Variants in ZBTB16 observed in about 807,000 individuals in gnomAD.
ZBTB16 encodes the protein zinc finger and BTB domain-containing protein 16.
ZBTB16 carries 8 observed loss-of-function variants against 56.8 expected under a neutral mutation model. The ratio of observed to expected loss-of-function variants is 0.14; its 90% CI spans 0.08 to 0.25. The LOEUF is 0.25. Ranked by LOEUF, ZBTB16 falls within the 10% of genes least tolerant of loss-of-function variation. The pLI is 1.00. For missense variants in ZBTB16, 625 were observed against 903.0 expected (o/e 0.69, Z 3.95); for synonymous variants, 363 against 368.5 (o/e 0.98, Z 0.17).
intron 3 of ZBTB16, among the ~76,000 whole-genome samples, chr11:114,162,276 T>C (rs1942610328): frequency 2.6e-5 from 4 of 152,246 alleles, no homozygotes; most frequent in Non-Finnish European, 5.9e-5. Context: ...GATCTGTGGC[T>C]TGTCCTTGTT....
intron 2 of ZBTB16, among the ~76,000 whole-genome samples, chr11:114,104,505 C>G (rs1192147856): frequency 1.3e-5 from 2 of 152,188 alleles, no homozygotes. Context: ...CCCCAAGCAG[C>G]CAGCAGTCAG....
At chr11:114,104,269 A>C (rs150273611) in intron 2 of ZBTB16, among the ~76,000 whole-genome samples, 1 of 152,238 alleles carries the variant, frequency 6.6e-6, no homozygotes, top group Non-Finnish European at 1.5e-5. Flanking sequence ...TAAAAGTAGC[A>C]TAGGGAGTGG....
chr11:114,150,455 C>G lies in ZBTB16; in HGVS notation c.1269-5882C>G, dbSNP rs1306014293. ...TTCAAGACCAGCCCAGACAACATAG[C>G]AAGACCTCGTCTCTATTAAAAACAA... is the stretch of plus-strand genomic sequence containing the variant. On this transcript the variant is annotated intron_variant, in intron 2 of 6. Transcript: ENST00000335953. Among the ~76,000 whole-genome samples, 3 of 152,104 alleles carry G rather than the reference C, an allele frequency of 2.0e-5. No homozygotes were observed. In the South Asian group the frequency reaches 6.2e-4, roughly 32 times the overall value.
intron 3 of ZBTB16, among the ~76,000 whole-genome samples, chr11:114,160,615 C>T (rs538706327): frequency 6.6e-5 from 10 of 152,320 alleles, no homozygotes; most frequent in Admixed American, 2.0e-4. Context: ...ACAGTGCCTT[C>T]CCTTTTTCTC....
At chr11:114,069,286 C>G (rs565705680) in intron 2 of ZBTB16, among the ~76,000 whole-genome samples, 1 of 152,292 alleles carries the variant, frequency 6.6e-6, no homozygotes, top group African/African-American at 2.4e-5. Flanking sequence ...AGGGTTTCAC[C>G]GTGTTAGCCA....
intron 2 of ZBTB16, among the ~76,000 whole-genome samples, chr11:114,102,341 A>C (rs1345690875): frequency 1.3e-5 from 2 of 152,142 alleles, no homozygotes; most frequent in Non-Finnish European, 2.9e-5. Flanking sequence ...GAGGCTGCTG[A>C]ACTGCTATTC....
At chr11:114,147,593 G>A (rs1414432290) in intron 2 of ZBTB16, among the ~76,000 whole-genome samples, 2 of 152,104 alleles carry the variant, frequency 1.3e-5, no homozygotes. Context: ...CCTGTTTTGG[G>A]TTTGGAAAAA....
chr11:114,102,456 C>T (rs1940644850), intron 2 of ZBTB16, among the ~76,000 whole-genome samples: 1 of 152,112 alleles, frequency 6.6e-6, no homozygotes, highest in South Asian at 2.1e-4. Context: ...CATCATCACT[C>T]TTCTCCTTCA....
chr11:114,177,719 C>G (rs1204188873), intron 3 of ZBTB16, among the ~76,000 whole-genome samples: 1 of 152,120 alleles, frequency 6.6e-6, no homozygotes, highest in East Asian at 1.9e-4. Context: ...ATTGCTCAGT[C>G]ATAGAAGTTG....
intron 4 of ZBTB16, among the ~76,000 whole-genome samples, chr11:114,198,194 T>C (rs1943650353): frequency 6.6e-6 from 1 of 152,166 alleles, no homozygotes; most frequent in Admixed American, 6.5e-5. Context: ...AGAGGTGATT[T>C]GTATAGCATT....
At chr11:114,193,189 G>A (rs146329883) in intron 4 of ZBTB16, among the ~76,000 whole-genome samples, 2 of 152,334 alleles carry the variant, frequency 1.3e-5, no homozygotes, top group African/African-American at 4.8e-5. Flanking sequence ...GCCCCCTGCT[G>A]ATGTTGAGGT....
rs1939042474 is a variant in ZBTB16, at chr11:114,064,584, G to A, written c.1268+16G>A. On this transcript the variant is annotated intron_variant, in intron 2 of 6. Transcript: ENST00000335953. The surrounding 1 kb of genome is among the most constrained non-coding windows in gnomAD (Gnocchi z 4.2). ...AGCAGCACAGGTAGGCCCCGCTCCA[G>A]CCCCGCACCTGATGTAGGACTTGAG... The A allele has an allele frequency of 1.9e-6, 3 of 1,612,908 alleles. No individual in the cohort carries two copies. The African/African-American group carries it at 4.0e-5, about 21-fold the overall frequency.
chr11:114,170,304 G>A (rs1942922896), intron 3 of ZBTB16, among the ~76,000 whole-genome samples: 2 of 152,226 alleles, frequency 1.3e-5, no homozygotes, highest in Admixed American at 6.5e-5. Context: ...GACAGAGTTG[G>A]CCACCCTGGA....
intron 2 of ZBTB16, 70 bp from the exon 3 acceptor site, chr11:114,156,267 C>T: frequency 6.6e-7 from 1 of 1,513,934 alleles, no homozygotes; most frequent in Non-Finnish European, 9.2e-7. Flanking sequence ...GCCAAGCCCC[C>T]AGGTAGGGGA....
At chr11:114,112,675 CT>C (rs755481907) in intron 2 of ZBTB16, among the ~76,000 whole-genome samples, 3 of 152,020 alleles carry the variant, frequency 2.0e-5, no homozygotes, top group Non-Finnish European at 4.4e-5. Flanking sequence ...TCCTACTGTT[CT>C]CTCTCATAGC....
intron 2 of ZBTB16, among the ~76,000 whole-genome samples, chr11:114,108,206 C>T (rs1448718027): frequency 6.6e-6 from 1 of 152,082 alleles, no homozygotes; most frequent in Non-Finnish European, 1.5e-5. Flanking sequence ...TCTGAGACCC[C>T]AGGCCCGGAC....
chr11:114,186,680 A>T (rs530558035), intron 3 of ZBTB16, among the ~76,000 whole-genome samples: 1 of 152,018 alleles, frequency 6.6e-6, no homozygotes, highest in Admixed American at 6.5e-5. Flanking sequence ...TTCTTGAGGT[A>T]TCTAACTTGG....
At chr11:114,129,428 A>G (rs1246637748) in intron 2 of ZBTB16, among the ~76,000 whole-genome samples, 2 of 152,202 alleles carry the variant, frequency 1.3e-5, no homozygotes, top group Non-Finnish European at 2.9e-5. Flanking sequence ...AGCCATGCAG[A>G]TATCATAATT....
At chr11:114,147,525 A>G (rs1942141149) in intron 2 of ZBTB16, among the ~76,000 whole-genome samples, 1 of 152,156 alleles carries the variant, frequency 6.6e-6, no homozygotes, top group African/African-American at 2.4e-5. Flanking sequence ...TGGAGAGAAT[A>G]TTTTGGATTT....
Sources: allele counts gnomAD v4.1 joint callset (sites outside exome capture counted in the v4.1 genomes callset), GRCh38; gene constraint gnomAD v4.1.1; non-coding constraint Gnocchi (gnomAD v3.1); transcripts MANE v1.5; gene names NCBI Gene and HGNC (gene_info 2026-07-23, HGNC 2026-07-21).